HDAC4: variants seen among roughly 807,000 people sequenced by gnomAD.
HDAC4 encodes histone deacetylase 4.
A neutral mutation model predicts 135.1 loss-of-function variants in HDAC4; 16 were observed. That is an observed-to-expected ratio of 0.12 (90% CI 0.08 to 0.18). The LOEUF (loss-of-function observed/expected upper bound fraction) is 0.18. HDAC4 is among the 10% of genes least tolerant of loss of function. HDAC4 has a pLI of 1.00. For synonymous variants in HDAC4, 685 were observed against 653.4 expected (o/e 1.05, Z -0.74); for missense variants, 1,143 against 1,511.8 (o/e 0.76, Z 4.05).
chr2:239,095,059 G>A lies in HDAC4; in HGVS notation c.2234-3C>T, dbSNP rs778873123. Reference sequence around the variant, plus strand: ...GACGAACACGGAGGCGAGCGAGCCTGTGGGGGGGAGGGAGACGGTCAGAGA... The same window carrying A: ...GACGAACACGGAGGCGAGCGAGCCTATGGGGGGGAGGGAGACGGTCAGAGA... On this transcript the variant is annotated splice_region_variant and splice_polypyrimidine_tract_variant and intron_variant, in intron 16 of 26. Coordinates refer to ENST00000543185, the MANE Select transcript of HDAC4 (RefSeq NM_001378414.1). The A allele has an allele frequency of 6.8e-6, 11 of 1,613,746 alleles. No individual in the cohort carries two copies. The Admixed American group carries it at 1.8e-4, about 27-fold the overall frequency.
chr2:239,159,245 G>T (rs142012640), intron 6 of HDAC4, among the ~76,000 whole-genome samples: 16 of 139,500 alleles, frequency 1.1e-4, no homozygotes, highest in Non-Finnish European at 1.9e-4. Context: ...CACACCTGAC[G>T]CTCGCACCTA....
chr2:239,346,331 T>C (rs530344869), intron 2 of HDAC4, among the ~76,000 whole-genome samples: 2 of 133,976 alleles, frequency 1.5e-5, no homozygotes, highest in African/African-American at 5.9e-5. Context: ...ATACAGACCA[T>C]ACACACCCGT....
At position 239,308,680 on chromosome 2, in the gene HDAC4, C is replaced by T. The variant is rs1052846069; in HGVS notation, c.22+43998G>A. Reference sequence around the variant, plus strand: ...GGTTAACAGGCCTCCGGGTGTCCCCCCCTTCCAGCCCAGTGCAGGGGTTCA... The same window carrying T: ...GGTTAACAGGCCTCCGGGTGTCCCCTCCTTCCAGCCCAGTGCAGGGGTTCA... On this transcript the variant is annotated intron_variant, in intron 2 of 26. Transcript: ENST00000543185. This position sits in a 1 kb window ranked among gnomAD's most constrained non-coding sequence, Gnocchi z 4.2. Among the ~76,000 whole-genome samples, 6 of 152,170 alleles carry T rather than the reference C, an allele frequency of 3.9e-5. No homozygotes were observed. The highest frequency in any genetic ancestry group is 7.2e-5 in the African/African-American group (3 of 41,436).
At chr2:239,126,777 G>C (rs1389721163) in intron 11 of HDAC4, 83 bp from the exon 12 acceptor site, 1 of 1,450,330 alleles carries the variant, frequency 6.9e-7, no homozygotes, top group African/African-American at 1.4e-5. Context: ...AAGTGATGGA[G>C]ACAACTGCGC....
At chr2:239,095,193 G>A in intron 16 of HDAC4, 137 bp from the exon 17 acceptor site, 2 of 889,816 alleles carry the variant, frequency 2.2e-6, no homozygotes, top group Non-Finnish European at 1.8e-6. Flanking sequence ...TCCCCCTTGT[G>A]ACACCCTGTG....
intron 17 of HDAC4, chr2:239,094,204 C>T (rs745377392): frequency 2.7e-5 from 27 of 985,322 alleles, no homozygotes; most frequent in Middle Eastern, 5.2e-4. Flanking sequence ...TCTGCTCGGA[C>T]GCTCCGCCTC....
chr2:239,379,257 A>C (rs577777570), intron 1 of HDAC4, among the ~76,000 whole-genome samples: 1 of 152,200 alleles, frequency 6.6e-6, no homozygotes, highest in East Asian at 1.9e-4. Context: ...CAGGTGACCA[A>C]CCCAGGAAGG....
intron 13 of HDAC4, among the ~76,000 whole-genome samples, chr2:239,112,396 G>A (rs1200328625): frequency 6.6e-6 from 1 of 152,218 alleles, no homozygotes; most frequent in Non-Finnish European, 1.5e-5. Flanking sequence ...ATCTGCAGCC[G>A]CTCCCCTCCC....
intron 12 of HDAC4, 60 bp downstream of exon 12, chr2:239,126,396 G>A (rs1337523355): frequency 1.2e-6 from 2 of 1,610,614 alleles, no homozygotes; most frequent in African/African-American, 2.7e-5. Flanking sequence ...GAAGCCTGAG[G>A]CTGAAGCGCA....
chr2:239,298,656 G>A (rs750467871), intron 2 of HDAC4: 1 of 982,832 alleles, frequency 1.0e-6, no homozygotes, highest in Non-Finnish European at 1.2e-6. Context: ...CCGTGAGACT[G>A]TGGCTAAATC....
chr2:239,104,654 G>A (rs1037901593), intron 15 of HDAC4, among the ~76,000 whole-genome samples: 15 of 152,336 alleles, frequency 9.8e-5, no homozygotes, highest in African/African-American at 2.6e-4. Flanking sequence ...GAAGGTCCCC[G>A]TAGGGGACCA....
chr2:239,076,410 C>T (rs544134816), intron 22 of HDAC4, among the ~76,000 whole-genome samples: 1 of 152,260 alleles, frequency 6.6e-6, no homozygotes, highest in Non-Finnish European at 1.5e-5. Flanking sequence ...ATACCATCCT[C>T]AAAAGCCACA....
At position 239,115,990 on chromosome 2, in the gene HDAC4, C is replaced by T. The variant is rs921658328; in HGVS notation, c.1534-680G>A. ...CTGCCCCGCTATGGGGCCCCAAGAA[C>T]CGCAACATCCTCCCTCCTGTGGGAC... On this transcript the variant is annotated intron_variant, in intron 12 of 26. Coordinates refer to ENST00000543185, the MANE Select transcript of HDAC4 (RefSeq NM_001378414.1). This position sits in a 1 kb window ranked among gnomAD's most constrained non-coding sequence, Gnocchi z 6.3. Among the ~76,000 whole-genome samples, 2 of 152,148 alleles carry T rather than the reference C, an allele frequency of 1.3e-5. No homozygotes were observed. The highest frequency in any genetic ancestry group is 4.8e-5 in the African/African-American group (2 of 41,432).
At chr2:239,124,857 TCTGGTGTGCTGGCGTGTGG>T (rs1410381503) in intron 12 of HDAC4, among the ~76,000 whole-genome samples, 7 of 109,448 alleles carry the variant, frequency 6.4e-5, no homozygotes, top group South Asian at 2.6e-4. Flanking sequence ...TATATGACAT[TCTGGTGTGCTGGCGTGTGG>T]CCGCGTTATA....
chr2:239,372,941 G>T (rs1295421313), intron 1 of HDAC4, among the ~76,000 whole-genome samples: 1 of 152,116 alleles, frequency 6.6e-6, no homozygotes, highest in Non-Finnish European at 1.5e-5. Flanking sequence ...TCAATACCAT[G>T]TCTCGGGGGA....
intron 3 of HDAC4, among the ~76,000 whole-genome samples, chr2:239,192,679 C>G (rs1294780473): frequency 6.6e-6 from 1 of 152,316 alleles, no homozygotes; most frequent in East Asian, 1.9e-4. Flanking sequence ...TTGCGGTTCC[C>G]TCTTCCGCGT....
intron 1 of HDAC4, among the ~76,000 whole-genome samples, chr2:239,395,025 G>T (rs1696468015): frequency 6.6e-6 from 1 of 152,240 alleles, no homozygotes; most frequent in African/African-American, 2.4e-5. Flanking sequence ...TTTAACAGGG[G>T]ATCAAAGGAT....
At chr2:239,357,453 GA>G (rs58332998) in intron 1 of HDAC4, among the ~76,000 whole-genome samples, 10 of 145,212 alleles carry the variant, frequency 6.9e-5, no homozygotes, top group African/African-American at 1.3e-4. Context: ...CTCAAAATAA[GA>G]AAAAAAAAAC....
At position 239,163,790 on chromosome 2, in the gene HDAC4, C is replaced by G. The variant is rs368733471; in HGVS notation, c.611+13G>C. On this transcript the variant is annotated intron_variant, in intron 6 of 26. Coordinates refer to ENST00000543185, the MANE Select transcript of HDAC4 (RefSeq NM_001378414.1). ...AGAGAGGAGGCCGGGGTGCTCCCCA[C>G]ACCCACACTTACCCGTACCAGTAGC... 6.2e-7 allele frequency: 1 copy of G among 1,613,988 alleles called. No homozygotes were observed. The highest frequency in any genetic ancestry group is 1.1e-5 in the South Asian group (1 of 91,080).
Sources: gnomAD v4.1 joint callset for allele counts (sites outside exome capture counted in the v4.1 genomes callset) on GRCh38, gnomAD v4.1.1 for gene constraint, Gnocchi (gnomAD v3.1) non-coding constraint, MANE v1.5 for transcripts, NCBI Gene and HGNC (gene_info 2026-07-23, HGNC 2026-07-21) for gene names.